Variants in ABLIM3 observed in about 807,000 individuals in gnomAD.
ABLIM3 encodes the protein actin binding LIM protein family member 3.
Under a neutral mutation model 109.5 loss-of-function variants are expected in ABLIM3, and 61 were observed. That is an observed-to-expected ratio of 0.56 (90% CI 0.45 to 0.69). The LOEUF (loss-of-function observed/expected upper bound fraction) is 0.69. Ranked by LOEUF, ABLIM3 falls within the 30% of genes least tolerant of loss-of-function variation. The pLI, the probability that ABLIM3 is intolerant of heterozygous loss-of-function variation, is 0.00. For missense variants in ABLIM3, 796 were observed against 889.5 expected (o/e 0.89, Z 1.34); for synonymous variants, 300 against 324.8 (o/e 0.92, Z 0.82).
intron 7 of ABLIM3, chr5:149,216,698 G>A (rs765621756): frequency 2.4e-4 from 107 of 437,950 alleles, no homozygotes; most frequent in Non-Finnish European, 3.2e-4. Context: ...GGCCTCTCAA[G>A]TGTCCTTCCC....
intron 2 of ABLIM3, among the ~76,000 whole-genome samples, chr5:149,165,099 C>T (rs1170470656): frequency 6.6e-6 from 1 of 152,192 alleles, no homozygotes; most frequent in Non-Finnish European, 1.5e-5. Context: ...ATACTTAAGA[C>T]AAAATCAATT....
chr5:149,229,935 C>A (rs1278000685), intron 8 of ABLIM3, among the ~76,000 whole-genome samples: 1 of 152,142 alleles, frequency 6.6e-6, no homozygotes, highest in Non-Finnish European at 1.5e-5. Flanking sequence ...AGTCTGGAGT[C>A]TCTGAGGAAT....
intron 8 of ABLIM3, 94 bp downstream of exon 8, chr5:149,217,140 T>C (rs1760178643): frequency 2.5e-6 from 3 of 1,217,006 alleles, no homozygotes; most frequent in Non-Finnish European, 3.6e-6. Context: ...TGGCTTCAGG[T>C]TCAGTGTTAT....
chr5:149,207,035 A>G lies in ABLIM3; in HGVS notation c.476A>G (p.Lys159Arg), dbSNP rs752099293. ...SHCAGCKEEI[K>R]HGQSLLALDK... is the part of the protein sequence containing the mutation. ...TGTGCCGGGTGCAAGGAGGAGATCA[A>G]GCACGGCCAGTCACTCCTGGCTCTG... The change falls in exon 6 of 24, where the codon AAG (lysine) becomes AGG (arginine). Residue 159 changes from lysine (K) to arginine (R), a missense_variant. Coordinates refer to ENST00000309868, the MANE Select transcript of ABLIM3 (RefSeq NM_014945.5). The G allele has an allele frequency of 6.2e-6, 10 of 1,613,836 alleles. No individual in the cohort carries two copies. The Admixed American group carries it at 1.7e-4, about 27-fold the overall frequency.
At chr5:149,258,257 G>A in intron 23 of ABLIM3, 34 bp from the exon 24 acceptor site, 4 of 1,596,686 alleles carry the variant, frequency 2.5e-6, no homozygotes, top group Non-Finnish European at 3.4e-6. Context: ...CTCTTTCTCT[G>A]TCCCCCCACC....
rs1754654217 is a variant in ABLIM3 at position 149,258,531 on chromosome 5, C to A, written c.*127C>A. The A allele has an allele frequency of 7.8e-6, 11 of 1,412,692 alleles. No individual in the cohort carries two copies. The highest frequency in any genetic ancestry group is 1.0e-5 in the Non-Finnish European group (11 of 1,089,168). 87.5% of individuals were successfully genotyped at this position (1,412,692 alleles called of 1,614,324 possible). A position where few individuals can be genotyped will look rare whatever the true frequency, so the allele number is the denominator to read the frequency against. ...CTGCCATGAGACTTGCTTTTCTGTA[C>A]TGTCAGGCAAGCCCACGTCATCGAG... On this transcript the variant is annotated 3_prime_UTR_variant, in exon 24 of 24. Transcript: ENST00000309868.
chr5:149,160,289 T>C (rs189859329), intron 2 of ABLIM3, among the ~76,000 whole-genome samples: 12 of 151,996 alleles, frequency 7.9e-5, no homozygotes, highest in Non-Finnish European at 1.5e-4. Flanking sequence ...ACCCCGTCTC[T>C]ACTAAAAAAA....
intron 2 of ABLIM3, among the ~76,000 whole-genome samples, chr5:149,148,285 G>A (rs939612298): frequency 6.6e-6 from 1 of 152,106 alleles, no homozygotes; most frequent in Non-Finnish European, 1.5e-5. Flanking sequence ...GGCAGACCTA[G>A]GTAGAGCACA....
intron 8 of ABLIM3, chr5:149,218,807 C>T (rs1381820160): frequency 6.6e-6 from 1 of 152,628 alleles, no homozygotes; most frequent in Non-Finnish European, 1.5e-5. Flanking sequence ...ATCCCCACAG[C>T]CCTCTGTCTG....
chr5:149,157,260 C>G (rs951536697), intron 2 of ABLIM3, among the ~76,000 whole-genome samples: 1 of 152,194 alleles, frequency 6.6e-6, no homozygotes, highest in Non-Finnish European at 1.5e-5. Context: ...GAATGATACT[C>G]AGACCAGAGA....
intron 3 of ABLIM3, among the ~76,000 whole-genome samples, chr5:149,186,093 C>T (rs551914428): frequency 3.3e-5 from 5 of 152,144 alleles, no homozygotes; most frequent in Non-Finnish European, 5.9e-5. Flanking sequence ...AGGGAGAGAG[C>T]AAGGAAACTT....
chr5:149,145,702 G>T (rs1351403285), intron 2 of ABLIM3, among the ~76,000 whole-genome samples: 1 of 151,746 alleles, frequency 6.6e-6, no homozygotes, highest in African/African-American at 2.4e-5. Context: ...GTGTGAGATG[G>T]TATCTCATTG....
intron 12 of ABLIM3, 51 bp downstream of exon 12, chr5:149,239,328 G>A (rs565906054): frequency 4.5e-5 from 71 of 1,592,376 alleles, no homozygotes; most frequent in Non-Finnish European, 5.7e-5. Flanking sequence ...GCCCCTTTAT[G>A]TGGACTTCAC....
intron 5 of ABLIM3, among the ~76,000 whole-genome samples, chr5:149,204,793 G>T (rs928055813): frequency 1.3e-5 from 2 of 152,086 alleles, no homozygotes; most frequent in Non-Finnish European, 2.9e-5. Flanking sequence ...AAAGGAGCTG[G>T]GATTCTCTCC....
chr5:149,201,164 C>T (rs570691693), intron 5 of ABLIM3, among the ~76,000 whole-genome samples: 25 of 151,872 alleles, frequency 1.6e-4, no homozygotes, highest in African/African-American at 6.0e-4. Flanking sequence ...GTCCATCCCA[C>T]TCAAGTGTGC....
At chr5:149,250,237 G>A (rs571474930) in intron 19 of ABLIM3, among the ~76,000 whole-genome samples, 13 of 152,248 alleles carry the variant, frequency 8.5e-5, no homozygotes, top group African/African-American at 3.1e-4. Context: ...GGGTGCCTTG[G>A]GCAGGTACCT....
At chr5:149,253,459 A>G (rs895478258) in intron 23 of ABLIM3, among the ~76,000 whole-genome samples, 3 of 152,200 alleles carry the variant, frequency 2.0e-5, no homozygotes, top group African/African-American at 7.2e-5. Context: ...CCATGCTGCC[A>G]AGAGAAGTGA....
chr5:149,167,227 ATTG>A lies in ABLIM3; in HGVS notation c.14-16222_14-16220del, dbSNP rs751602542. On this transcript the variant is annotated intron_variant, in intron 2 of 23. Transcript: ENST00000309868. ...GAAGTTATTTGCCTCTGTCATTCTC[ATTG>A]TTTTACTACAGTGGAGTTTTTTAGA... Among the ~76,000 whole-genome samples the A allele has an allele frequency of 5.6e-4, 85 of 152,180 alleles. 1 individual carries two copies. The highest frequency in any genetic ancestry group is 3.3e-3 in the Admixed American group (51 of 15,286).
At chr5:149,213,172 G>T (rs1352580634) in intron 7 of ABLIM3, among the ~76,000 whole-genome samples, 5 of 152,116 alleles carry the variant, frequency 3.3e-5, no homozygotes, top group East Asian at 1.9e-4. Context: ...CAAAGCTCAG[G>T]CCTGGAGGAG....
Sources: gnomAD v4.1 joint callset for allele counts (sites outside exome capture counted in the v4.1 genomes callset) on GRCh38, gnomAD v4.1.1 for gene constraint, MANE v1.5 for transcripts, NCBI Gene and HGNC (gene_info 2026-07-23, HGNC 2026-07-21) for gene names.